MAGEL2: variants seen among roughly 807,000 people sequenced by gnomAD.
MAGEL2 encodes the protein MAGE family member L2, also known as MAGE-like protein 2.
For missense variants in MAGEL2, 1,830 were observed against 1,699.2 expected (o/e 1.08, Z -1.35); for synonymous variants, 792 against 721.7 (o/e 1.10, Z -1.56).
rs1339255032 is a variant in MAGEL2, at chr15:23,645,048, G to A, written c.2695C>T (p.Arg899Cys). 1 of 1,613,932 alleles carries A rather than the reference G, an allele frequency of 6.2e-7. No individual in the cohort carries two copies. Residue 899 changes from arginine to cysteine, a missense_variant, in exon 1 of 1, where the codon CGT (arginine) becomes TGT (cysteine). By Grantham distance (180) the Arg-to-Cys change is radical (BLOSUM62 -3). Coordinates refer to ENST00000650528, the MANE Select transcript of MAGEL2 (RefSeq NM_019066.5). ...TCATGAAAGGCTAGCGTGTGGCCAC[G>A]GCTGTCCTCTTGGGCTTCCAGATGC... Reference protein sequence around the residue: ...KKHLEAQEDSRGHTLAFHDWQ... With the variant: ...KKHLEAQEDSCGHTLAFHDWQ...
Position 23,645,491 on chromosome 15 carries a change from A to T in MAGEL2, c.2252T>A (p.Ile751Asn). The T allele has an allele frequency of 6.2e-7, 1 of 1,613,938 alleles. No individual in the cohort carries two copies. The highest frequency in any genetic ancestry group is 1.3e-5 in the African/African-American group (1 of 75,058). ...ERRAPSKDRM[I>N]FAATFCAPKA... ...GGGAGCACAGAAGGTGGCAGCAAAG[A>T]TCATGCGGTCTTTTGAAGGGGCCCT... The change falls in exon 1 of 1, where the codon ATC (isoleucine) becomes AAC (asparagine). Residue 751 changes from isoleucine (I) to asparagine (N), a missense_variant. Transcript: ENST00000650528.
In MAGEL2 at chr15:23,646,276, G is replaced by GGCCTGGCGGATCACAGGTGGA; in HGVS notation, c.1446_1466dup (p.Val485_Pro491dup). On this transcript the variant is annotated inframe_insertion, in exon 1 of 1. Transcript: ENST00000650528. This position sits in a 1 kb window ranked among gnomAD's most constrained non-coding sequence, Gnocchi z 4.2. Reference sequence around the variant, plus strand: ...GCGGCGCCTGGCGGATCAGCGGCGGGGCCTGGCGGATCACAGGTGGAGCCT... The same window carrying GGCCTGGCGGATCACAGGTGGA: ...GCGGCGCCTGGCGGATCAGCGGCGGGGCCTGGCGGATCACAGGTGGAGCCTGGCGGATCACAGGTGGAGCCT... 1 of 1,363,280 alleles carries GGCCTGGCGGATCACAGGTGGA rather than the reference G, an allele frequency of 7.3e-7. No individual in the cohort carries two copies. The highest frequency in any genetic ancestry group is 1.8e-5 in the South Asian group (1 of 54,310). 84.4% of individuals were successfully genotyped at this position (1,363,280 alleles called of 1,614,324 possible).
rs781107539 is a variant in MAGEL2, at chr15:23,644,060, G to A, written c.3683C>T (p.Thr1228Ile). Reference sequence around the variant, plus strand: ...ACCGGTGTCAGGTTCATCCTCATCTGTGTCTTCCCACTCACACTCTGCGAG... The same window carrying A: ...ACCGGTGTCAGGTTCATCCTCATCTATGTCTTCCCACTCACACTCTGCGAG... ...EALAECEWED[T>I]DEDEPDTGDS... Residue 1228 changes from threonine (T) to isoleucine (I), a missense_variant, in exon 1 of 1, where the codon ACA (threonine) becomes ATA (isoleucine). Thr to Ile is a moderately conservative substitution (Grantham distance 89). Coordinates refer to ENST00000650528, the MANE Select transcript of MAGEL2 (RefSeq NM_019066.5). The A allele has an allele frequency of 6.2e-7, 1 of 1,613,710 alleles. No individual in the cohort carries two copies. The highest frequency in any genetic ancestry group is 8.5e-7 in the Non-Finnish European group (1 of 1,179,778).
Position 23,644,098 on chromosome 15 carries a change from A to G in MAGEL2, c.3645T>C (p.His1215=), listed in dbSNP as rs1256564705. The G allele has an allele frequency of 1.2e-6, 2 of 1,613,948 alleles. No individual in the cohort carries two copies. Among genetic ancestry groups the G allele is most frequent in the Non-Finnish European group, 1.7e-6 (2 of 1,179,896 alleles). The change falls in exon 1 of 1, where the codon CAT becomes CAC. Residue 1215 remains histidine, a synonymous_variant. Coordinates refer to ENST00000650528, the MANE Select transcript of MAGEL2 (RefSeq NM_019066.5). ...CACACTCTGCGAGCGCTTCAAGGTA[A>G]TGGAATGGCCAGCTCTGTGGATCTT... is the stretch of plus-strand genomic sequence containing the variant. ...HKKDPQSWPF[H]YLEALAECEW...
rs769730342 is a variant in MAGEL2, at chr15:23,647,216, C to T, written c.527G>A (p.Gly176Glu). 7 of 1,521,794 alleles carry T rather than the reference C, an allele frequency of 4.6e-6. No homozygotes were observed. In the East Asian group the frequency reaches 7.3e-5, roughly 16 times the overall value. The allele number at this position is 1,521,794 out of a possible 1,614,324, so 94.3% of individuals were successfully genotyped here. ...AGGAGGAGGATGCACCATCGGGGTC[C>T]CCGGAGGAGGAGGATGGGCCATCGG... Reference protein sequence around the residue: ...GTPMAHPPPPGTPMVHPPPPG... With the variant: ...GTPMAHPPPPETPMVHPPPPG... The change falls in exon 1 of 1, where the codon GGG (glycine) becomes GAG (glutamate). Residue 176 changes from glycine to glutamate, a missense_variant. By Grantham distance (98) the Gly-to-Glu change is moderately conservative (BLOSUM62 -2). Transcript: ENST00000650528.
rs931620707 is a variant in MAGEL2, at chr15:23,644,254, C to T, written c.3489G>A (p.Arg1163=). 1 of 1,613,746 alleles carries T rather than the reference C, an allele frequency of 6.2e-7. No homozygotes were observed. The change falls in exon 1 of 1, where the codon AGG becomes AGA. Residue 1163 remains arginine, a synonymous_variant. Transcript: ENST00000650528. ...TKKLITEVFV[R]QKYLEYRRIP... The stretch of plus-strand genomic sequence containing the variant: ...TTCGCCTGTACTCTAGGTACTTCTG[C>T]CTGACAAACACTTCGGTGATGAGCT...
chr15:23,643,644 C>T lies in MAGEL2; in HGVS notation c.*349G>A, dbSNP rs999571003. 7 of 200,410 alleles carry T rather than the reference C, an allele frequency of 3.5e-5. No individual in the cohort carries two copies. Among genetic ancestry groups the T allele is most frequent in the South Asian group, 1.9e-4 (1 of 5,392 alleles). 12.4% of individuals were successfully genotyped at this position (200,410 alleles called of 1,614,324 possible). On this transcript the variant is annotated 3_prime_UTR_variant, in exon 1 of 1. Coordinates refer to ENST00000650528, the MANE Select transcript of MAGEL2 (RefSeq NM_019066.5). ...GTCATTTGAACGTTCAAAGAACAACCGATTACAATGCTACATGAACTATAC... is the reference window on the plus strand; with the variant it reads ...GTCATTTGAACGTTCAAAGAACAACTGATTACAATGCTACATGAACTATAC...
In MAGEL2 at chr15:23,646,172, C is replaced by G; in HGVS notation, c.1571G>C (p.Arg524Pro). 3.0e-6 allele frequency: 4 copies of G among 1,330,316 alleles called. No individual in the cohort carries two copies. Among genetic ancestry groups the G allele is most frequent in the Non-Finnish European group, 3.8e-6 (4 of 1,048,242 alleles). 82.4% of individuals were successfully genotyped at this position (1,330,316 alleles called of 1,614,324 possible). A position where few individuals can be genotyped will look rare whatever the true frequency, so the allele number is the denominator to read the frequency against. ...WQALPPPPPL[R>P]QAPQARLPAP... The stretch of plus-strand genomic sequence containing the variant: ...CGGCAGCCTAGCCTGCGGGGCCTGC[C>G]GCAGTGGAGGTGGGGGTGGCAGGGC... Residue 524 changes from arginine to proline, a missense_variant, in exon 1 of 1, where the codon CGG becomes CCG. Coordinates refer to ENST00000650528, the MANE Select transcript of MAGEL2 (RefSeq NM_019066.5). This position sits in a 1 kb window ranked among gnomAD's most constrained non-coding sequence, Gnocchi z 4.2.
chr15:23,644,885 C>T lies in MAGEL2; in HGVS notation c.2858G>A (p.Arg953Lys), dbSNP rs754124963. ...GGGCCCTTCCCAGCCACTCAGGATC[C>T]TGGAGGTGCTAGGGCCCTCCCAACC... ...LSGWEGPSTS[R>K]ILSGWEGPSA... Residue 953 changes from arginine to lysine, a missense_variant, in exon 1 of 1, where the codon AGG (arginine) becomes AAG (lysine). By Grantham distance (26) the Arg-to-Lys change is conservative. Coordinates refer to ENST00000650528, the MANE Select transcript of MAGEL2 (RefSeq NM_019066.5). 2.5e-6 allele frequency: 4 copies of T among 1,612,890 alleles called. No homozygotes were observed. In the South Asian group the frequency reaches 4.4e-5, roughly 18 times the overall value.
In MAGEL2 at chr15:23,645,118, G is replaced by A. The variant is rs1204239959; in HGVS notation, c.2625C>T (p.Ser875=). The change falls in exon 1 of 1, where the codon TCC becomes TCT. Residue 875 remains serine (S), a synonymous_variant. Transcript: ENST00000650528. ...TATTQEASKT[S]VEPPRRSGKA... is the part of the protein sequence containing the mutation. ...TGCCGGAGCGGCGTGGCGGCTCGAC[G>A]GAGGTCTTGGAGGCCTCTTGAGTGG... The A allele has an allele frequency of 3.1e-6, 5 of 1,613,660 alleles. No homozygotes were observed. Among genetic ancestry groups the A allele is most frequent in the Non-Finnish European group, 4.2e-6 (5 of 1,179,916 alleles).
rs770557212 is a variant in MAGEL2, at chr15:23,645,207, T to C, written c.2536A>G (p.Lys846Glu). The C allele has an allele frequency of 2.5e-6, 4 of 1,613,880 alleles. No individual in the cohort carries two copies. Among genetic ancestry groups the C allele is most frequent in the East Asian group, 4.5e-5 (2 of 44,862 alleles). The stretch of plus-strand genomic sequence containing the variant: ...AAGGTGGGCACTGCCTGCGATGCCT[T>C]TGAGGCATTCATATTGGGCTGTGGG... ...WVPQPNMNAS[K>E]ASQAVPTFLM... is the part of the protein sequence containing the mutation. The change falls in exon 1 of 1, where the codon AAG (lysine) becomes GAG (glutamate). Residue 846 changes from lysine (K) to glutamate (E), a missense_variant. Transcript: ENST00000650528.
At position 23,646,982 on chromosome 15, in the gene MAGEL2, G is replaced by T. The variant is rs1174354559; in HGVS notation, c.761C>A (p.Ala254Asp). Residue 254 changes from alanine to aspartate, a missense_variant, in exon 1 of 1, where the codon GCT becomes GAT. Ala to Asp is a moderately radical substitution (Grantham distance 126, BLOSUM62 -2). Transcript: ENST00000650528. The surrounding 1 kb of genome is among the most constrained non-coding windows in gnomAD (Gnocchi z 4.2). ...CGGCTGGACCATCGGTGCTCCCGGA[G>T]CAGCAGGCTGGACCATCAGGACTCC... ...TPGVLMVQPA[A>D]PGAPMVQPPP... 6.5e-7 allele frequency: 1 copy of T among 1,536,976 alleles called. No individual in the cohort carries two copies. Among genetic ancestry groups the T allele is most frequent in the Non-Finnish European group, 8.7e-7 (1 of 1,146,888 alleles).
Position 23,646,903 on chromosome 15 carries a change from C to T in MAGEL2, c.840G>A (p.Lys280=), listed in dbSNP as rs1269369077. ...QPQPSGAPMA[K]PPGPGVLMIH... ...TCATCAGGACTCCTGGACCTGGAGGCTTGGCCATCGGTGCTCCTGAAGGCT... is the reference window on the plus strand; with the variant it reads ...TCATCAGGACTCCTGGACCTGGAGGTTTGGCCATCGGTGCTCCTGAAGGCT... The change falls in exon 1 of 1, where the codon AAG becomes AAA. Residue 280 remains lysine, a synonymous_variant. Transcript: ENST00000650528. The surrounding 1 kb of genome is among the most constrained non-coding windows in gnomAD (Gnocchi z 4.2). 5 of 1,536,872 alleles carry T rather than the reference C, an allele frequency of 3.3e-6. No individual in the cohort carries two copies. The highest frequency in any genetic ancestry group is 4.4e-6 in the Non-Finnish European group (5 of 1,146,868).
In MAGEL2 at chr15:23,643,844, A is replaced by C; in HGVS notation, c.*149T>G. 1 of 802,028 alleles carries C rather than the reference A, an allele frequency of 1.2e-6. No individual in the cohort carries two copies. The highest frequency in any genetic ancestry group is 1.7e-5 in the African/African-American group (1 of 58,068). 49.7% of individuals were successfully genotyped at this position (802,028 alleles called of 1,614,324 possible). A position where few individuals can be genotyped will look rare whatever the true frequency, so the allele number is the denominator to read the frequency against. On this transcript the variant is annotated 3_prime_UTR_variant, in exon 1 of 1. Transcript: ENST00000650528. The stretch of plus-strand genomic sequence containing the variant: ...GAAATCAACACCACATAAAAAATGT[A>C]CAAAGCTTTGGCAGATACGAAACCA...
rs185139848 is a variant in MAGEL2 at position 23,644,260 on chromosome 15, A to G, written c.3483T>C (p.Phe1161=). Residue 1161 remains phenylalanine (F), a synonymous_variant, in exon 1 of 1, where the codon TTT becomes TTC. Transcript: ENST00000650528. ...GNTKKLITEV[F]VRQKYLEYRR... ...TGTACTCTAGGTACTTCTGCCTGAC[A>G]AACACTTCGGTGATGAGCTTCTTAG... The G allele has an allele frequency of 5.8e-5, 94 of 1,613,780 alleles. No individual in the cohort carries two copies. In the East Asian group the frequency reaches 2.0e-3, roughly 34 times the overall value.
rs374645282 is a variant in MAGEL2 at position 23,644,128 on chromosome 15, A to T, written c.3615T>A (p.His1205Gln). Residue 1205 changes from histidine (H) to glutamine (Q), a missense_variant, in exon 1 of 1, where the codon CAT becomes CAA. By Grantham distance (24) the His-to-Gln change is conservative (BLOSUM62 0). Transcript: ENST00000650528. Reference sequence around the variant, plus strand: ...ATGGCCAGCTCTGTGGATCTTTCTTATGGAGCTTGGCCAAAAACCTCAGGA... The same window carrying T: ...ATGGCCAGCTCTGTGGATCTTTCTTTTGGAGCTTGGCCAAAAACCTCAGGA... ...MLVLRFLAKLHKKDPQSWPFH... is the reference protein window; with the variant it reads ...MLVLRFLAKLQKKDPQSWPFH... 7 of 1,613,954 alleles carry T rather than the reference A, an allele frequency of 4.3e-6. No homozygotes were observed. In the South Asian group the frequency reaches 6.6e-5, roughly 15 times the overall value.
rs1381210295 is a variant in MAGEL2 at position 23,644,463 on chromosome 15, C to T, written c.3280G>A (p.Gly1094Ser). The T allele has an allele frequency of 6.2e-7, 1 of 1,613,786 alleles. No individual in the cohort carries two copies. The highest frequency in any genetic ancestry group is 1.1e-5 in the South Asian group (1 of 91,058). The part of the protein sequence containing the change: ...NHAYIIINKL[G>S]YHTGNLVASY... ...GCCACCAAATTCCCTGTATGGTAGC[C>T]CAGCTTGTTGATGATAATATAGGCG... Residue 1094 changes from glycine (G) to serine (S), a missense_variant, in exon 1 of 1, where the codon GGC becomes AGC. Physicochemically the swap from Gly to Ser is moderately conservative, Grantham distance 56. Transcript: ENST00000650528.
rs1454934495 is a variant in MAGEL2 at position 23,645,175 on chromosome 15, C to T, written c.2568G>A (p.Met856Ile). The part of the protein sequence containing the change: ...KASQAVPTFL[M>I]ATAAAPQATA... ...TTGCCTGGGGGGCAGCTGCTGTAGCCATCAGGAAGGTGGGCACTGCCTGCG... is the reference window on the plus strand; with the variant it reads ...TTGCCTGGGGGGCAGCTGCTGTAGCTATCAGGAAGGTGGGCACTGCCTGCG... The change falls in exon 1 of 1, where the codon ATG (methionine) becomes ATA (isoleucine). Residue 856 changes from methionine (M) to isoleucine (I), a missense_variant. Coordinates refer to ENST00000650528, the MANE Select transcript of MAGEL2 (RefSeq NM_019066.5). 2.0e-5 allele frequency: 33 copies of T among 1,613,700 alleles called. No individual in the cohort carries two copies. The highest frequency in any genetic ancestry group is 2.6e-5 in the Non-Finnish European group (31 of 1,179,906).
rs1203228012 is a variant in MAGEL2, at chr15:23,647,093, G to A, written c.650C>T (p.Thr217Ile). 2.6e-6 allele frequency: 4 copies of A among 1,532,898 alleles called. No homozygotes were observed. Among genetic ancestry groups the A allele is most frequent in the Non-Finnish European group, 8.7e-7 (1 of 1,145,070 alleles). 95.0% of individuals were successfully genotyped at this position (1,532,898 alleles called of 1,614,324 possible). A position where few individuals can be genotyped will look rare whatever the true frequency, so the allele number is the denominator to read the frequency against. ...TPMAHPPPPG[T>I]PMAHPPPPGT... is the part of the protein sequence containing the mutation. ...CGGAGGGGGAGGATGAGCCATCGGT[G>A]TCCCCGGAGGTGGAGGATGAGCCAT... Residue 217 changes from threonine (T) to isoleucine (I), a missense_variant, in exon 1 of 1, where the codon ACA (threonine) becomes ATA (isoleucine). Physicochemically the swap from Thr to Ile is moderately conservative, Grantham distance 89 (BLOSUM62 -1). Transcript: ENST00000650528.
Sources: allele counts gnomAD v4.1 joint callset, GRCh38; gene constraint gnomAD v4.1.1; non-coding constraint Gnocchi (gnomAD v3.1); transcripts MANE v1.5; gene names NCBI Gene and HGNC (gene_info 2026-07-23, HGNC 2026-07-21).